Variants in SFTPB observed in about 807,000 individuals in gnomAD.
SFTPB encodes the protein surfactant protein B.
In SFTPB, 32 loss-of-function variants were observed where a neutral mutation model predicts 51.0. That is an observed-to-expected ratio of 0.63 (90% CI 0.47 to 0.84). The LOEUF (loss-of-function observed/expected upper bound fraction) is 0.84, where lower values mean the gene tolerates loss of function less well. Ranked by LOEUF, SFTPB falls within the 40% of genes least tolerant of loss-of-function variation. The pLI, the probability that SFTPB is intolerant of heterozygous loss-of-function variation, is 0.00. For synonymous variants in SFTPB, 211 were observed against 208.5 expected (o/e 1.01, Z -0.10); for missense variants, 431 against 491.2 (o/e 0.88, Z 1.16).
intron 1 of SFTPB, 89 bp downstream of exon 1, chr2:85,668,028 G>T: frequency 8.0e-7 from 1 of 1,257,392 alleles, no homozygotes; most frequent in South Asian, 1.3e-5. Flanking sequence ...TCTTTAAAAT[G>T]AGGACAGACT....
chr2:85,665,011 G>T (rs946114392), intron 6 of SFTPB, among the ~76,000 whole-genome samples: 1 of 152,200 alleles, frequency 6.6e-6, no homozygotes, highest in East Asian at 1.9e-4. Flanking sequence ...ACAAAGCTGC[G>T]TCTTGTCCGT....
At chr2:85,667,658 T>G (rs1214644959) in intron 2 of SFTPB, 21 bp downstream of exon 2, 1 of 1,614,094 alleles carries the variant, frequency 6.2e-7, no homozygotes, top group African/African-American at 1.3e-5. Flanking sequence ...CCAGTTGCCA[T>G]GCATCCTTGG....
At position 85,661,491 on chromosome 2, in the gene SFTPB, G is replaced by T. The variant is rs1453622394; in HGVS notation, c.1128C>A (p.Ile376=). The part of the protein sequence containing the change: ...CGTMSSPLQC[I]HSPDL Reference sequence around the variant, plus strand: ...GTTCTCATCAAAGGTCGGGGCTGTGGATACACTGGAGAGGGCTGGACATGG... The same window carrying T: ...GTTCTCATCAAAGGTCGGGGCTGTGTATACACTGGAGAGGGCTGGACATGG... The change falls in exon 10 of 11, where the codon ATC becomes ATA. Residue 376 remains isoleucine, a synonymous_variant. Transcript: ENST00000519937. 4 of 1,612,054 alleles carry T rather than the reference G, an allele frequency of 2.5e-6. No individual in the cohort carries two copies. Among genetic ancestry groups the T allele is most frequent in the Non-Finnish European group, 3.4e-6 (4 of 1,179,274 alleles).
At position 85,663,483 on chromosome 2, in the gene SFTPB, T is replaced by A. The variant is rs1677412538; in HGVS notation, c.865A>T (p.Thr289Ser). Residue 289 changes from threonine to serine, a missense_variant, in exon 8 of 11, where the codon ACA (threonine) becomes TCA (serine). Thr to Ser is a moderately conservative substitution (Grantham distance 58). Transcript: ENST00000519937. ...GAGTCTCGCGGCAGCCATTCTCCTG[T>A]CGGCGACCCTGGAGATGTGAGCATT... ...MDDSAGPRSP[T>S]GEWLPRDSEC... 1.9e-6 allele frequency: 3 copies of A among 1,613,840 alleles called. No homozygotes were observed. Among genetic ancestry groups the A allele is most frequent in the Non-Finnish European group, 2.5e-6 (3 of 1,179,980 alleles).
upstream of SFTPB, chr2:85,668,277 G>T: frequency 8.0e-7 from 1 of 1,248,252 alleles, no homozygotes; most frequent in Non-Finnish European, 1.1e-6. Context: ...CGACCTCAGT[G>T]TTTGTCTTTG....
Position 85,668,112 on chromosome 2 carries a change from C to T in SFTPB, c.67+5G>A. On this transcript the variant is annotated splice_donor_5th_base_variant and intron_variant, in intron 1 of 10. Transcript: ENST00000519937. ...CTAGGAGAGGGGAGGCTGGGGGAGA[C>T]TCACCAGTGCCTGGGCCACAGAGCG... is the stretch of plus-strand genomic sequence containing the variant. 6.5e-7 allele frequency: 1 copy of T among 1,550,292 alleles called. No homozygotes were observed. The highest frequency in any genetic ancestry group is 8.7e-7 in the Non-Finnish European group (1 of 1,145,836).
At chr2:85,664,320 C>A (rs1677466379) in intron 6 of SFTPB, among the ~76,000 whole-genome samples, 1 of 152,144 alleles carries the variant, frequency 6.6e-6, no homozygotes, top group Non-Finnish European at 1.5e-5. Flanking sequence ...GTGTAAAAGT[C>A]ACTTTGGAGT....
rs1430355932 is a variant in SFTPB at position 85,665,639 on chromosome 2, C to T, written c.549G>A (p.Gly183=). The T allele has an allele frequency of 1.9e-6, 3 of 1,614,026 alleles. No homozygotes were observed. Among genetic ancestry groups the T allele is most frequent in the Non-Finnish European group, 2.5e-6 (3 of 1,180,026 alleles). ...LDKLVLPVLP[G]ALQARPGPHT... ...GAGGCCCAGGCCTCGCCTGGAGGGCCCCGGGCAGCACAGGGAGGACGAGCT... is the reference window on the plus strand; with the variant it reads ...GAGGCCCAGGCCTCGCCTGGAGGGCTCCGGGCAGCACAGGGAGGACGAGCT... Residue 183 remains glycine (G), a synonymous_variant, in exon 5 of 11, where the codon GGG becomes GGA. Coordinates refer to ENST00000519937, the MANE Select transcript of SFTPB (RefSeq NM_000542.5).
chr2:85,667,837 A>T (rs779588248), intron 1 of SFTPB, 31 bp from the exon 2 acceptor site: 2 of 1,614,172 alleles, frequency 1.2e-6, no homozygotes, highest in East Asian at 4.5e-5. Flanking sequence ...AACCTTAATC[A>T]GGATCCAGGC....
At chr2:85,665,193 T>C in intron 6 of SFTPB, 96 bp downstream of exon 6, 1 of 967,148 alleles carries the variant, frequency 1.0e-6, no homozygotes, top group Non-Finnish European at 1.7e-6. Context: ...GCCAGCTGGG[T>C]CCTGACGGGG....
In SFTPB at chr2:85,667,661, A is replaced by C; in HGVS notation, c.195+18T>G. The C allele has an allele frequency of 6.2e-7, 1 of 1,614,160 alleles. No individual in the cohort carries two copies. Among genetic ancestry groups the C allele is most frequent in the East Asian group, 2.2e-5 (1 of 44,880 alleles). On this transcript the variant is annotated intron_variant, in intron 2 of 10. Coordinates refer to ENST00000519937, the MANE Select transcript of SFTPB (RefSeq NM_000542.5). ...CATTTCAGACCCCCAGTTGCCATGCATCCTTGGTGGTACTCACGGCTCCCA... is the reference window on the plus strand; with the variant it reads ...CATTTCAGACCCCCAGTTGCCATGCCTCCTTGGTGGTACTCACGGCTCCCA...
chr2:85,661,778 G>A (rs1251002146), intron 9 of SFTPB, among the ~76,000 whole-genome samples: 3 of 152,106 alleles, frequency 2.0e-5, no homozygotes, highest in African/African-American at 7.2e-5. Flanking sequence ...ACTGGCCAGG[G>A]AACACAGCCC....
In SFTPB at chr2:85,668,177, C is replaced by T; in HGVS notation, c.7G>A (p.Glu3Lys). 2 of 1,551,436 alleles carry T rather than the reference C, an allele frequency of 1.3e-6. No individual in the cohort carries two copies. Among genetic ancestry groups the T allele is most frequent in the Non-Finnish European group, 1.7e-6 (2 of 1,146,902 alleles). MAESHLLQWLLLL... is the reference protein window; with the variant it reads MAKSHLLQWLLLL... ...AGCAGCCACTGCAGCAGGTGTGACT[C>T]AGCCATGGCACCTCTGCAGCCTGGG... Residue 3 changes from glutamate (E) to lysine (K), a missense_variant, in exon 1 of 11, where the codon GAG becomes AAG. Transcript: ENST00000519937.
chr2:85,668,306 G>T, upstream of SFTPB: 1 of 921,844 alleles, frequency 1.1e-6, no homozygotes, highest in East Asian at 2.7e-5. Flanking sequence ...AGCCCTCCAG[G>T]TGCTTGATCC....
chr2:85,665,678 G>T lies in SFTPB; in HGVS notation c.510C>A (p.Asp170Glu), dbSNP rs149904344. 5.0e-6 allele frequency: 8 copies of T among 1,614,188 alleles called. No homozygotes were observed. The highest frequency in any genetic ancestry group is 5.9e-6 in the Non-Finnish European group (7 of 1,180,022). ...GGAGGACGAGCTTGTCCAGCAGAGG[G>T]TCTGGCAGAGGGTCCCGCAGAGGTT... ...LPKPLRDPLP[D>E]PLLDKLVLPV... The change falls in exon 5 of 11, where the codon GAC becomes GAA. Residue 170 changes from aspartate to glutamate, a missense_variant. By Grantham distance (45) the Asp-to-Glu change is conservative (BLOSUM62 2). Transcript: ENST00000519937.
At chr2:85,666,949 G>T (rs1438077310) in intron 3 of SFTPB, among the ~76,000 whole-genome samples, 157 bp downstream of exon 3, 1 of 152,138 alleles carries the variant, frequency 6.6e-6, no homozygotes, top group African/African-American at 2.4e-5. Context: ...TGAGCTCAGG[G>T]CCATGACCTG....
rs34334231 is a variant in SFTPB, at chr2:85,666,423, TTGTGTGTG to T, written c.393+186_393+193del. 136 of 419,436 alleles carry T rather than the reference TTGTGTGTG, an allele frequency of 3.2e-4. 2 individuals are homozygous for T. In the African/African-American group the frequency reaches 4.1e-3, roughly 12 times the overall value. The allele number at this position is 419,436 out of a possible 1,614,324, so 26.0% of individuals were successfully genotyped here. A position where few individuals can be genotyped will look rare whatever the true frequency, so the allele number is the denominator to read the frequency against. On this transcript the variant is annotated intron_variant, in intron 4 of 10. Transcript: ENST00000519937. ...TGTGTGTGTCCGGCCAGCTGGGGTG[TTGTGTGTG>T]TGTGTGTGTGTGTGTCCGGCTGGCT...
At chr2:85,660,774 G>A (rs1441787395) in intron 10 of SFTPB, among the ~76,000 whole-genome samples, 1 of 152,138 alleles carries the variant, frequency 6.6e-6, no homozygotes, top group Non-Finnish European at 1.5e-5. Flanking sequence ...TTAAAATGAG[G>A]GAACAAATGA....
At chr2:85,661,735 C>T (rs573547914) in intron 9 of SFTPB, among the ~76,000 whole-genome samples, 200 bp from the exon 10 acceptor site, 1 of 152,282 alleles carries the variant, frequency 6.6e-6, no homozygotes, top group South Asian at 2.1e-4. Context: ...CACTCCAGAA[C>T]ACCCACTTTG....
Sources: allele counts gnomAD v4.1 joint callset (sites outside exome capture counted in the v4.1 genomes callset), GRCh38; gene constraint gnomAD v4.1.1; transcripts MANE v1.5; gene names NCBI Gene and HGNC (gene_info 2026-07-23, HGNC 2026-07-21).